The following MARK4 variants were observed in gnomAD, a reference collection of about 807,000 sequenced individuals.
MARK4 encodes microtubule affinity regulating kinase 4.
MARK4 carries 19 observed loss-of-function variants against 81.5 expected under a neutral mutation model. The observed-to-expected ratio is 0.23, with a 90% confidence interval of 0.16 to 0.34. The LOEUF is 0.34. Among genes scored for constraint, MARK4 ranks in the 10% least tolerant of loss-of-function variants. The pLI, the probability that MARK4 is intolerant of heterozygous loss-of-function variation, is 1.00. For synonymous variants in MARK4, 436 were observed against 439.0 expected, an observed-to-expected ratio of 0.99 and a Z score of 0.08; for missense variants, 772 against 1,058.8, an observed-to-expected ratio of 0.73 and a Z score of 3.76.
At chr19:45,259,564 C>T (rs1209801100) in intron 2 of MARK4, among the ~76,000 whole-genome samples, 1 of 152,082 alleles carries the variant, frequency 6.6e-6, no homozygotes, top group Admixed American at 6.6e-5. Flanking sequence ...GAGTTTGAGA[C>T]CAGCCTGGGC....
intron 12 of MARK4, among the ~76,000 whole-genome samples, chr19:45,286,005 T>C (rs1011356842): frequency 2.6e-5 from 4 of 152,212 alleles, no homozygotes; most frequent in African/African-American, 9.6e-5. Context: ...ATCCAACACA[T>C]ATCCCCAGCT....
intron 1 of MARK4, among the ~76,000 whole-genome samples, chr19:45,257,530 C>T (rs146882670): frequency 0.011 from 1,660 of 150,038 alleles, 16 homozygotes; most frequent in Non-Finnish European, 0.016. Context: ...ATTACAGGTG[C>T]GCGTCACCAT....
intron 9 of MARK4, 139 bp downstream of exon 9, chr19:45,278,181 G>A: frequency 7.8e-7 from 1 of 1,276,964 alleles, no homozygotes; most frequent in Admixed American, 2.4e-5. Context: ...TGGTGAGTGG[G>A]GGTAGACAGG....
At chr19:45,282,646 T>C (rs2123076009) in intron 12 of MARK4, among the ~76,000 whole-genome samples, 1 of 151,848 alleles carries the variant, frequency 6.6e-6, no homozygotes, top group Admixed American at 6.6e-5. Flanking sequence ...GCCAAGATGG[T>C]GAAACCCTGT....
In MARK4 at chr19:45,301,557, C is replaced by CAAAAA. The variant is rs10630193; in HGVS notation, c.1923-799_1923-795dup. 4.1e-3 allele frequency among the ~76,000 whole-genome samples: 205 copies of CAAAAA among 49,466 alleles called. 24 individuals are homozygous for CAAAAA. The highest frequency in any genetic ancestry group is 5.0e-3 in the Non-Finnish European group (148 of 29,390). 32.5% of individuals were successfully genotyped at this position (49,466 alleles called of 152,430 possible). On this transcript the variant is annotated intron_variant, in intron 16 of 16. Coordinates refer to ENST00000262891, the MANE Select transcript of MARK4 (RefSeq NM_001199867.2). ...GGGCGACAAGAGCGAAACTCTGTCT[C>CAAAAA]AAAAAAAAAAAAAAAAAAAAAAGCC...
intron 12 of MARK4, among the ~76,000 whole-genome samples, chr19:45,283,601 G>T (rs148271692): frequency 4.6e-5 from 7 of 152,144 alleles, no homozygotes; most frequent in African/African-American, 1.7e-4. Flanking sequence ...CCATGATATG[G>T]GTATCAGCAC....
At chr19:45,285,198 G>GCAAT (rs111605315) in intron 12 of MARK4, among the ~76,000 whole-genome samples, 275 of 148,066 alleles carry the variant, frequency 1.9e-3, no homozygotes, top group African/African-American at 6.7e-3. Flanking sequence ...GGCCGAGGTT[G>GCAAT]CAATGAGTCC....
Position 45,299,711 on chromosome 19 carries a change from G to A in MARK4, c.1878-100G>A, listed in dbSNP as rs1164362687. ...GCCCTCACCAGCCCGGAGGGACTGG[G>A]GTTGAGGCAGGGGCTGCTTGGAGTC... is the stretch of plus-strand genomic sequence containing the variant. On this transcript the variant is annotated intron_variant, in intron 15 of 16. Transcript: ENST00000262891. 8.6e-6 allele frequency: 9 copies of A among 1,041,082 alleles called. No individual in the cohort carries two copies. The African/African-American group carries it at 1.1e-4, about 13-fold the overall frequency. 64.5% of individuals were successfully genotyped at this position (1,041,082 alleles called of 1,614,324 possible). A position where few individuals can be genotyped will look rare whatever the true frequency, so the allele number is the denominator to read the frequency against.
At chr19:45,298,385 G>A (rs922636110) in intron 15 of MARK4, among the ~76,000 whole-genome samples, 7 of 152,104 alleles carry the variant, frequency 4.6e-5, no homozygotes, top group Middle Eastern at 3.2e-3. Context: ...AGCCAGACTC[G>A]GGGGTTCAAA....
chr19:45,261,395 T>C (rs1413305493), intron 2 of MARK4, among the ~76,000 whole-genome samples: 1 of 152,230 alleles, frequency 6.6e-6, no homozygotes, highest in Admixed American at 6.5e-5. Flanking sequence ...AAAGTTCTTT[T>C]CCCTTTGACA....
chr19:45,266,295 C>A lies in MARK4; in HGVS notation c.549+14C>A, dbSNP rs759497848. 1 of 1,613,268 alleles carries A rather than the reference C, an allele frequency of 6.2e-7. No homozygotes were observed. Among genetic ancestry groups the A allele is most frequent in the Admixed American group, 1.7e-5 (1 of 59,962 alleles). On this transcript the variant is annotated intron_variant, in intron 7 of 16. Transcript: ENST00000262891. ...AGGGACCTGAAGGTAAGCCCCCGAC[C>A]CGCTGTGATCTCAGGGACCACGGCT...
At chr19:45,255,251 AGAG>A (rs1970292356) in intron 1 of MARK4, among the ~76,000 whole-genome samples, 1 of 151,754 alleles carries the variant, frequency 6.6e-6, no homozygotes, top group Non-Finnish European at 1.5e-5. Flanking sequence ...GTATTGTGAC[AGAG>A]AAGAGCATCA....
chr19:45,266,163 C>A, intron 6 of MARK4, 62 bp from the exon 7 acceptor site: 1 of 1,547,110 alleles, frequency 6.5e-7, no homozygotes, highest in Non-Finnish European at 8.9e-7. Context: ...GTTTCACAGT[C>A]CACTGAGGGA....
intron 10 of MARK4, among the ~76,000 whole-genome samples, chr19:45,279,151 A>G (rs1970639937): frequency 6.6e-6 from 1 of 152,120 alleles, no homozygotes; most frequent in Non-Finnish European, 1.5e-5. Flanking sequence ...CTTGAGCCCA[A>G]CAATTTGAGG....
chr19:45,289,748 C>CGACA (rs1268073702), intron 13 of MARK4, among the ~76,000 whole-genome samples: 7 of 146,668 alleles, frequency 4.8e-5, no homozygotes, highest in Non-Finnish European at 7.5e-5. Context: ...CCAGCCTGGG[C>CGACA]GACAGAGCAA....
chr19:45,263,433 T>C lies in MARK4; in HGVS notation c.355+66T>C, dbSNP rs1970406011. The C allele has an allele frequency of 3.7e-6, 6 of 1,602,124 alleles. No individual in the cohort carries two copies. In the African/African-American group the frequency reaches 6.7e-5, roughly 18 times the overall value. On this transcript the variant is annotated intron_variant, in intron 4 of 16. Coordinates refer to ENST00000262891, the MANE Select transcript of MARK4 (RefSeq NM_001199867.2). ...ACACTTGCAAAGGAGTTGGGGGTGGTGGCAGTGGTTAGAATAGTTGGAGAC... is the reference window on the plus strand; with the variant it reads ...ACACTTGCAAAGGAGTTGGGGGTGGCGGCAGTGGTTAGAATAGTTGGAGAC...
At chr19:45,272,745 G>T (rs530826880) in intron 8 of MARK4, among the ~76,000 whole-genome samples, 2 of 152,034 alleles carry the variant, frequency 1.3e-5, no homozygotes, top group African/African-American at 4.8e-5. Context: ...AAAATTAACC[G>T]GGTGTGGTGG....
chr19:45,255,493 G>A (rs1970295184), intron 1 of MARK4, among the ~76,000 whole-genome samples: 1 of 150,726 alleles, frequency 6.6e-6, no homozygotes, highest in Non-Finnish European at 1.5e-5. Flanking sequence ...CCCAGGAGGT[G>A]GAGGTTGCAG....
chr19:45,254,695 C>G (rs1970285691), intron 1 of MARK4, among the ~76,000 whole-genome samples: 1 of 152,182 alleles, frequency 6.6e-6, no homozygotes, highest in African/African-American at 2.4e-5. Flanking sequence ...TGGTTAGAGC[C>G]CTGGCCGTGG....
Sources: gnomAD v4.1 joint callset for allele counts (sites outside exome capture counted in the v4.1 genomes callset) on GRCh38, gnomAD v4.1.1 for gene constraint, MANE v1.5 for transcripts, NCBI Gene and HGNC (gene_info 2026-07-23, HGNC 2026-07-21) for gene names.